Variants in PRKN observed in about 807,000 individuals in gnomAD.
PRKN encodes parkin RBR E3 ubiquitin protein ligase, also known as E3 ubiquitin-protein ligase parkin.
In PRKN, 56 loss-of-function variants were observed where a neutral mutation model predicts 59.5. That is an observed-to-expected ratio of 0.94 (90% confidence interval 0.76 to 1.18). The LOEUF (loss-of-function observed/expected upper bound fraction) is 1.18, where lower values mean the gene tolerates loss of function less well. Among genes scored for constraint, PRKN ranks in the 50% most tolerant of loss-of-function variants. The pLI, the probability that PRKN is intolerant of heterozygous loss-of-function variation, is 0.00. For missense variants in PRKN, 657 were observed against 596.4 expected (o/e 1.10, Z -1.06); for synonymous variants, 250 against 222.1 (o/e 1.13, Z -1.12).
chr6:162,414,604 G>A (rs566482715), intron 2 of PRKN, among the ~76,000 whole-genome samples: 3 of 151,432 alleles, frequency 2.0e-5, no homozygotes, highest in South Asian at 2.1e-4. Flanking sequence ...CCAGCTACTC[G>A]GGAGGCTGAA....
intron 7 of PRKN, among the ~76,000 whole-genome samples, chr6:161,640,796 T>C (rs190222568): frequency 6.6e-5 from 10 of 152,324 alleles, no homozygotes; most frequent in Non-Finnish European, 1.0e-4. Context: ...CACAGTTTTC[T>C]CAGGTTAGTG....
intron 7 of PRKN, among the ~76,000 whole-genome samples, chr6:161,739,908 C>A (rs1437452218): frequency 6.6e-6 from 1 of 152,110 alleles, no homozygotes; most frequent in East Asian, 1.9e-4. Flanking sequence ...GTGCACACCA[C>A]CACGCCCAGC....
At chr6:162,427,813 T>C (rs772372886) in intron 2 of PRKN, among the ~76,000 whole-genome samples, 22 of 151,990 alleles carry the variant, frequency 1.4e-4, no homozygotes, top group Non-Finnish European at 2.4e-4. Context: ...GCCCAGCTAA[T>C]GTTTTGCATT....
chr6:161,747,849 C>T (rs965746537), intron 7 of PRKN, among the ~76,000 whole-genome samples: 3 of 152,182 alleles, frequency 2.0e-5, no homozygotes, highest in African/African-American at 7.2e-5. Context: ...CTCCTATGAG[C>T]ACGTAGTTAA....
At chr6:162,204,932 G>A (rs912618297) in intron 3 of PRKN, among the ~76,000 whole-genome samples, 8 of 150,844 alleles carry the variant, frequency 5.3e-5, no homozygotes, top group African/African-American at 1.7e-4. Flanking sequence ...GTACAATCTC[G>A]GCTCACTGCA....
chr6:161,684,922 C>T (rs553880593), intron 7 of PRKN, among the ~76,000 whole-genome samples: 1 of 152,206 alleles, frequency 6.6e-6, no homozygotes, highest in African/African-American at 2.4e-5. Context: ...TCTATTTCAT[C>T]AGCAGTTGTG....
intron 10 of PRKN, among the ~76,000 whole-genome samples, chr6:161,370,271 A>C: frequency 6.6e-6 from 1 of 151,676 alleles, no homozygotes; most frequent in South Asian, 2.1e-4. Context: ...GTAAATCAAA[A>C]TGTACTTATA....
At chr6:161,853,803 G>A (rs999700399) in intron 6 of PRKN, among the ~76,000 whole-genome samples, 3 of 152,180 alleles carry the variant, frequency 2.0e-5, no homozygotes, top group African/African-American at 7.2e-5. Flanking sequence ...ACCCACAAAA[G>A]ACAGGCTTTT....
At chr6:161,947,708 C>T (rs1317281869) in intron 6 of PRKN, among the ~76,000 whole-genome samples, 3 of 152,124 alleles carry the variant, frequency 2.0e-5, no homozygotes, top group Admixed American at 1.3e-4. Context: ...TGTTTTAAAA[C>T]GGTATTTTTC....
intron 1 of PRKN, among the ~76,000 whole-genome samples, chr6:162,632,733 A>G (rs562714798): frequency 6.6e-6 from 1 of 152,304 alleles, no homozygotes; most frequent in Non-Finnish European, 1.5e-5. Context: ...GTAGGTAGAA[A>G]AGACAAAAAT....
chr6:162,361,670 A>T (rs1003527566), intron 2 of PRKN, among the ~76,000 whole-genome samples: 1 of 152,152 alleles, frequency 6.6e-6, no homozygotes, highest in African/African-American at 2.4e-5. Flanking sequence ...CTTTATTTAT[A>T]AAAAAAGCCA....
At chr6:162,552,108 C>T (rs1305941459) in intron 1 of PRKN, among the ~76,000 whole-genome samples, 1 of 152,102 alleles carries the variant, frequency 6.6e-6, no homozygotes, top group Non-Finnish European at 1.5e-5. Context: ...AAAACACATT[C>T]CAAACAAAGG....
At chr6:162,362,784 T>C (rs1785209866) in intron 2 of PRKN, among the ~76,000 whole-genome samples, 1 of 152,050 alleles carries the variant, frequency 6.6e-6, no homozygotes, top group South Asian at 2.1e-4. Flanking sequence ...AGAAAAAAAC[T>C]TTATTTCACA....
At position 161,533,195 on chromosome 6, in the gene PRKN, A is replaced by C. The variant is rs1425660428; in HGVS notation, c.1083+15659T>G. 6.6e-6 allele frequency among the ~76,000 whole-genome samples: 1 copy of C among 152,184 alleles called. No homozygotes were observed. Among genetic ancestry groups the C allele is most frequent in the Non-Finnish European group, 1.5e-5 (1 of 68,036 alleles). Reference sequence around the variant, plus strand: ...CCACATCCCTGAGGTATTAGTCTTAAATGCATATGATATTACAAAACTAAA... The same window carrying C: ...CCACATCCCTGAGGTATTAGTCTTACATGCATATGATATTACAAAACTAAA... On this transcript the variant is annotated intron_variant, in intron 9 of 11. Transcript: ENST00000366898. This position sits in a 1 kb window ranked among gnomAD's most constrained non-coding sequence, Gnocchi z 4.1.
rs1781748948 is a variant in PRKN, at chr6:161,592,158, A to G, written c.872-22742T>C. On this transcript the variant is annotated intron_variant, in intron 7 of 11. Coordinates refer to ENST00000366898, the MANE Select transcript of PRKN (RefSeq NM_004562.3). The surrounding 1 kb of genome is among the most constrained non-coding windows in gnomAD (Gnocchi z 4.8). ...TATTTTTATCGTTGTGTCATTTTTT[A>G]TGTTCATTTTTTCCAAATATTTTCT... 6.6e-6 allele frequency among the ~76,000 whole-genome samples: 1 copy of G among 151,932 alleles called. No individual in the cohort carries two copies. Among genetic ancestry groups the G allele is most frequent in the African/African-American group, 2.4e-5 (1 of 41,358 alleles).
intron 6 of PRKN, among the ~76,000 whole-genome samples, chr6:161,862,125 G>A (rs1793928518): frequency 6.6e-6 from 1 of 152,090 alleles, no homozygotes; most frequent in South Asian, 2.1e-4. Context: ...CAGGATGACT[G>A]ACTCAAATCA....
chr6:161,702,859 G>A (rs1310100116), intron 7 of PRKN, among the ~76,000 whole-genome samples: 5 of 152,074 alleles, frequency 3.3e-5, no homozygotes, highest in Non-Finnish European at 7.4e-5. Context: ...ATGAGCCATA[G>A]AAATAATTTG....
At chr6:162,650,421 A>C (rs1242218182) in intron 1 of PRKN, among the ~76,000 whole-genome samples, 1 of 151,308 alleles carries the variant, frequency 6.6e-6, no homozygotes, top group African/African-American at 2.4e-5. Context: ...AAACGGTGAA[A>C]CCCCGTCTCT....
chr6:162,262,550 C>T lies in PRKN; in HGVS notation c.387G>A (p.Lys129=). Residue 129 remains lysine (K), a synonymous_variant, in exon 3 of 12, where the codon AAG becomes AAA. Transcript: ENST00000366898. The stretch of plus-strand genomic sequence containing the variant: ...CTGGACTTCCAGCTGGTGGTGAGTC[C>T]TTCCTGCTGTCAGTGTGCAGAATGA... ...LAVILHTDSR[K]DSPPAGSPAG... is the part of the protein sequence containing the mutation. 6.2e-7 allele frequency: 1 copy of T among 1,614,004 alleles called. No individual in the cohort carries two copies. The highest frequency in any genetic ancestry group is 1.1e-5 in the South Asian group (1 of 91,074).
Sources: gnomAD v4.1 joint callset for allele counts (sites outside exome capture counted in the v4.1 genomes callset) on GRCh38, gnomAD v4.1.1 for gene constraint, Gnocchi (gnomAD v3.1) non-coding constraint, MANE v1.5 for transcripts, NCBI Gene and HGNC (gene_info 2026-07-23, HGNC 2026-07-21) for gene names.